Variants in SCFD1 observed in about 807,000 individuals in gnomAD.
SCFD1 encodes the protein sec1 family domain containing 1, also known as sec1 family domain-containing protein 1.
A neutral mutation model predicts 103.2 loss-of-function variants in SCFD1; 37 were observed. That is an observed-to-expected ratio of 0.36 (90% CI 0.28 to 0.47). The LOEUF is 0.47. SCFD1 is among the 20% of genes least tolerant of loss of function. The probability of loss-of-function intolerance (pLI) is 1.00; values close to 1 mark genes in which losing one functional copy is unlikely to be tolerated. For missense variants in SCFD1, 639 were observed against 761.2 expected (o/e 0.84, Z 1.89); for synonymous variants, 264 against 245.0 (o/e 1.08, Z -0.73).
chr14:30,664,910 CT>C (rs1887797998), intron 10 of SCFD1, among the ~76,000 whole-genome samples: 1 of 152,194 alleles, frequency 6.6e-6, no homozygotes, highest in Non-Finnish European at 1.5e-5. Flanking sequence ...AAGACCAAAT[CT>C]GCGTTTGATT....
At chr14:30,663,277 A>T (rs1198901226) in intron 10 of SCFD1, among the ~76,000 whole-genome samples, 2 of 152,186 alleles carry the variant, frequency 1.3e-5, no homozygotes, top group African/African-American at 4.8e-5. Context: ...TCACCATGGA[A>T]ATAGTACTTC....
At chr14:30,683,177 G>A in intron 14 of SCFD1, 1 of 1,096,814 alleles carries the variant, frequency 9.1e-7, no homozygotes, top group South Asian at 1.3e-5. Flanking sequence ...CTAGTAGGCT[G>A]GAGATGGAGA....
At chr14:30,641,368 A>G (rs1004812437) in intron 6 of SCFD1, among the ~76,000 whole-genome samples, 9 of 152,144 alleles carry the variant, frequency 5.9e-5, no homozygotes, top group Non-Finnish European at 1.0e-4. Context: ...AGTTGAGGTT[A>G]TTGATTAGCA....
At chr14:30,673,398 G>C (rs1309514447) in intron 12 of SCFD1, 51 bp downstream of exon 12, 1 of 965,416 alleles carries the variant, frequency 1.0e-6, no homozygotes, top group Non-Finnish European at 1.5e-6. Context: ...AGGATTATCT[G>C]TTAGATAAAG....
intron 14 of SCFD1, chr14:30,676,256 T>G (rs984619822): frequency 3.3e-5 from 5 of 152,254 alleles, no homozygotes; most frequent in Non-Finnish European, 7.3e-5. Flanking sequence ...TATTCAATCA[T>G]GTTTATTGAG....
chr14:30,690,830 C>G (rs1436086837), intron 14 of SCFD1, among the ~76,000 whole-genome samples: 1 of 152,228 alleles, frequency 6.6e-6, no homozygotes. Context: ...CATCTTGGCT[C>G]CTCGCCCACT....
chr14:30,673,211 G>A (rs541409552), intron 11 of SCFD1, 46 bp from the exon 12 acceptor site: 2 of 823,506 alleles, frequency 2.4e-6, no homozygotes, highest in Non-Finnish European at 3.9e-6. Context: ...CACAAAAATT[G>A]GTCTTTTAAT....
chr14:30,659,477 A>G (rs1179460101), intron 10 of SCFD1, among the ~76,000 whole-genome samples: 1 of 152,174 alleles, frequency 6.6e-6, no homozygotes, highest in Non-Finnish European at 1.5e-5. Context: ...CTAAATCATA[A>G]GACCCAAATT....
chr14:30,727,653 A>C (rs1311257884), intron 23 of SCFD1, among the ~76,000 whole-genome samples: 1 of 152,068 alleles, frequency 6.6e-6, no homozygotes, highest in Non-Finnish European at 1.5e-5. Context: ...TTTTTGCATT[A>C]TTCATTTATT....
At chr14:30,649,383 A>G (rs1248968582) in intron 7 of SCFD1, 145 bp from the exon 8 acceptor site, 24 of 625,510 alleles carry the variant, frequency 3.8e-5, no homozygotes, top group Non-Finnish European at 5.7e-5. Context: ...AATTAAAAAA[A>G]TGTGGAAAAA....
At chr14:30,625,537 T>C (rs1883301841) in intron 1 of SCFD1, among the ~76,000 whole-genome samples, 1 of 152,104 alleles carries the variant, frequency 6.6e-6, no homozygotes, top group South Asian at 2.1e-4. Flanking sequence ...CTGATAAAAG[T>C]AAAATTACGT....
intron 10 of SCFD1, among the ~76,000 whole-genome samples, chr14:30,668,841 C>G (rs1888268547): frequency 6.6e-6 from 1 of 152,110 alleles, no homozygotes; most frequent in South Asian, 2.1e-4. Flanking sequence ...CAAATGAAAA[C>G]CACAATGAGA....
chr14:30,664,538 C>T (rs746633496), intron 10 of SCFD1, among the ~76,000 whole-genome samples: 66 of 151,966 alleles, frequency 4.3e-4, no homozygotes, highest in South Asian at 4.1e-4. Flanking sequence ...CAAAGCTGGA[C>T]GGAGAATGAT....
chr14:30,646,524 T>C (rs906250040), intron 7 of SCFD1, among the ~76,000 whole-genome samples: 6 of 152,194 alleles, frequency 3.9e-5, no homozygotes, highest in Non-Finnish European at 8.8e-5. Context: ...AGTTTGTTAA[T>C]ATTCTGTTGA....
intron 23 of SCFD1, chr14:30,722,843 A>C (rs908215897): frequency 3.4e-5 from 5 of 146,774 alleles, no homozygotes; most frequent in East Asian, 1.4e-4. Context: ...ACCTCTTCCC[A>C]AAAAAAAAAA....
intron 23 of SCFD1, among the ~76,000 whole-genome samples, chr14:30,730,991 A>G (rs1312243621): frequency 6.6e-6 from 1 of 152,116 alleles, no homozygotes; most frequent in Non-Finnish European, 1.5e-5. Context: ...TAGGTCTAAC[A>G]TTTAAGTCTT....
intron 9 of SCFD1, among the ~76,000 whole-genome samples, chr14:30,651,738 T>G (rs1435271599): frequency 6.6e-6 from 1 of 152,196 alleles, no homozygotes; most frequent in Non-Finnish European, 1.5e-5. Context: ...TTTCTCAACT[T>G]GTTGGATCTA....
At chr14:30,627,359 T>C (rs1391810672) in intron 1 of SCFD1, among the ~76,000 whole-genome samples, 1 of 152,236 alleles carries the variant, frequency 6.6e-6, no homozygotes, top group East Asian at 1.9e-4. Context: ...ATAAATTGTT[T>C]GTAAAATATA....
At chr14:30,632,800 T>C (rs935244625) in intron 3 of SCFD1, among the ~76,000 whole-genome samples, 1 of 152,220 alleles carries the variant, frequency 6.6e-6, no homozygotes, top group Non-Finnish European at 1.5e-5. Flanking sequence ...GTTTATCTAC[T>C]GAACTGTAAT....
Sources: gnomAD v4.1 joint callset for allele counts (sites outside exome capture counted in the v4.1 genomes callset) on GRCh38, gnomAD v4.1.1 for gene constraint, MANE v1.5 for transcripts, NCBI Gene and HGNC (gene_info 2026-07-23, HGNC 2026-07-21) for gene names.